MID1: variants seen among roughly 807,000 people sequenced by gnomAD.
MID1 encodes E3 ubiquitin-protein ligase Midline-1.
MID1 carries 7 observed loss-of-function variants against 40.4 expected under a neutral mutation model. The observed-to-expected ratio is 0.17, with a 90% confidence interval of 0.10 to 0.33. The LOEUF is 0.33. Ranked by LOEUF, MID1 falls within the 10% of genes least tolerant of loss-of-function variation. The pLI, the probability that MID1 is intolerant of heterozygous loss-of-function variation, is 1.00. For missense variants in MID1, 367 were observed against 558.5 expected (o/e 0.66, Z 3.46); for synonymous variants, 229 against 221.2 (o/e 1.04, Z -0.31).
At chrX:10,499,210 C>CTT (rs1931419970) in intron 3 of MID1, among the ~76,000 whole-genome samples, 1 of 111,827 alleles carries the variant, frequency 8.9e-6, no homozygotes, top group South Asian at 3.7e-4. Context: ...TGTTGACCAT[C>CTT]TTTTTCGTGA....
chrX:10,465,584 G>A (rs982451569), intron 7 of MID1, among the ~76,000 whole-genome samples: 1 of 111,349 alleles, frequency 9.0e-6, no homozygotes, highest in Non-Finnish European at 1.9e-5. Flanking sequence ...ATTATTCTGG[G>A]TGAGTCTGAC....
chrX:10,763,212 G>A (rs1345468563), intron 1 of MID1, among the ~76,000 whole-genome samples: 1 of 105,797 alleles, frequency 9.5e-6, no homozygotes, highest in Non-Finnish European at 1.9e-5. Flanking sequence ...TGTGCACAAC[G>A]TGCAGGTTTG....
chrX:10,513,298 T>C (rs1278804247), intron 3 of MID1, among the ~76,000 whole-genome samples: 1 of 111,871 alleles, frequency 8.9e-6, no homozygotes, highest in Non-Finnish European at 1.9e-5. Context: ...AAGTAAAAGG[T>C]TGGTTCAGTA....
At chrX:10,772,183 G>GTA (rs1014838923) in intron 1 of MID1, among the ~76,000 whole-genome samples, 10 of 110,738 alleles carry the variant, frequency 9.0e-5, no homozygotes, top group Non-Finnish European at 1.9e-4. Flanking sequence ...ATGTGTGTGT[G>GTA]TATATATATC....
At chrX:10,831,341 C>G (rs1216751988) in intron 1 of MID1, among the ~76,000 whole-genome samples, 2 of 111,998 alleles carry the variant, frequency 1.8e-5, no homozygotes, top group African/African-American at 6.5e-5. Context: ...AATAAATGAA[C>G]ATATTAAGGC....
intron 1 of MID1, among the ~76,000 whole-genome samples, chrX:10,690,558 C>T (rs1446948401): frequency 9.0e-6 from 1 of 111,616 alleles, no homozygotes; most frequent in African/African-American, 3.3e-5. Context: ...TGCTCACCAC[C>T]GACTTCAGTC....
chrX:10,696,161 T>C (rs1301189168), intron 1 of MID1, among the ~76,000 whole-genome samples: 2 of 111,737 alleles, frequency 1.8e-5, no homozygotes, highest in Admixed American at 9.5e-5. Context: ...GGCTCAAGCA[T>C]GCACACTAAG....
chrX:10,671,104 C>T (rs959387259), intron 1 of MID1, among the ~76,000 whole-genome samples: 1 of 112,022 alleles, frequency 8.9e-6, no homozygotes, highest in African/African-American at 3.2e-5. Flanking sequence ...CAGGCTTCTA[C>T]AGGAATGTGC....
At chrX:10,488,092 C>T (rs985749579) in intron 4 of MID1, among the ~76,000 whole-genome samples, 1 of 108,415 alleles carries the variant, frequency 9.2e-6, no homozygotes, top group Non-Finnish European at 1.9e-5. Context: ...AGCGATTCTC[C>T]AGCCTCAGCC....
intron 2 of MID1, among the ~76,000 whole-genome samples, chrX:10,532,853 C>T (rs914725704): frequency 8.2e-5 from 9 of 109,933 alleles, no homozygotes; most frequent in African/African-American, 2.0e-4. Flanking sequence ...CTGCAACCTC[C>T]GCTTCCTGGG....
intron 5 of MID1, among the ~76,000 whole-genome samples, chrX:10,478,285 G>C (rs1042187233): frequency 8.9e-6 from 1 of 112,279 alleles, no homozygotes; most frequent in South Asian, 3.7e-4. Context: ...AGTGTAGCTT[G>C]AGAATATAGT....
intron 1 of MID1, among the ~76,000 whole-genome samples, chrX:10,821,651 C>T (rs1272023117): frequency 8.9e-6 from 1 of 112,651 alleles, no homozygotes; most frequent in Non-Finnish European, 1.9e-5. Context: ...CCAGCTCAAA[C>T]ACAATGCCCG....
At chrX:10,677,519 C>G (rs913356903) in intron 1 of MID1, 2 of 112,524 alleles carry the variant, frequency 1.8e-5, no homozygotes, top group Non-Finnish European at 3.7e-5. Context: ...TGGAGACAAG[C>G]AGATGGCAGT....
At chrX:10,805,817 G>C (rs1289964982) in intron 1 of MID1, among the ~76,000 whole-genome samples, 22 of 107,278 alleles carry the variant, frequency 2.1e-4, no homozygotes, top group African/African-American at 7.2e-4. Context: ...TTCTCTGATG[G>C]CCAGTGATGG....
chrX:10,592,335 G>GT (rs1230517058), intron 1 of MID1, among the ~76,000 whole-genome samples: 8 of 96,603 alleles, frequency 8.3e-5, no homozygotes, highest in East Asian at 3.7e-4. Context: ...TATTTGAGGG[G>GT]TTTTTTTCTC....
intron 1 of MID1, among the ~76,000 whole-genome samples, chrX:10,632,242 T>C (rs1480753420): frequency 8.9e-6 from 1 of 111,805 alleles, no homozygotes; most frequent in African/African-American, 3.3e-5. Flanking sequence ...CTCATATGTC[T>C]AAAAAAACAA....
At chrX:10,711,897 A>C (rs1300126072) in intron 1 of MID1, among the ~76,000 whole-genome samples, 1 of 112,010 alleles carries the variant, frequency 8.9e-6, no homozygotes, top group Non-Finnish European at 1.9e-5. Flanking sequence ...GGTTACCACA[A>C]CTCAGTGGGA....
At chrX:10,459,973 G>C in intron 7 of MID1, 166 bp from the exon 8 acceptor site, 1 of 548,267 alleles carries the variant, frequency 1.8e-6, no homozygotes, top group Non-Finnish European at 3.0e-6. Flanking sequence ...AGATGTGGCA[G>C]ATTGCATTTT....
intron 1 of MID1, among the ~76,000 whole-genome samples, chrX:10,672,470 T>C (rs1260193442): frequency 1.8e-5 from 2 of 110,299 alleles, no homozygotes; most frequent in African/African-American, 6.6e-5. Context: ...CACAGGTCCT[T>C]ATAGTGGAAA....
Sources: gnomAD v4.1 joint callset for allele counts (sites outside exome capture counted in the v4.1 genomes callset) on GRCh38, gnomAD v4.1.1 for gene constraint, MANE v1.5 for transcripts, NCBI Gene and HGNC (gene_info 2026-07-23, HGNC 2026-07-21) for gene names.